Variants in ENTREP2 observed in about 807,000 individuals in gnomAD.
The protein encoded by ENTREP2 is endosomal transmembrane epsin interactor 2, also known as protein ENTREP2.
chr15:29,668,386 C>T, the ENTREP2 span, among the ~76,000 whole-genome samples: 4 of 152,108 alleles, frequency 2.6e-5, no homozygotes, highest in East Asian at 3.9e-4. Context: ...ATATAATTAC[C>T]GTGACCCGGC....
chr15:29,502,548 G>T, the ENTREP2 span, among the ~76,000 whole-genome samples: 1 of 151,914 alleles, frequency 6.6e-6, no homozygotes, highest in African/African-American at 2.4e-5. Flanking sequence ...TTTTTGGAAA[G>T]GACACTGAAA....
At chr15:29,560,832 G>C in the ENTREP2 span, among the ~76,000 whole-genome samples, 13 of 151,234 alleles carry the variant, frequency 8.6e-5, no homozygotes, top group Non-Finnish European at 1.8e-4. Context: ...ACTGTCCATG[G>C]GAAATTTCAG....
chr15:29,133,470 A>G, the ENTREP2 span, among the ~76,000 whole-genome samples: 16 of 152,114 alleles, frequency 1.1e-4, no homozygotes, highest in Admixed American at 9.2e-4. Flanking sequence ...TCCCCTGCGC[A>G]CGTGCCGTCC....
chr15:29,325,222 A>G, the ENTREP2 span, among the ~76,000 whole-genome samples: 3 of 152,182 alleles, frequency 2.0e-5, no homozygotes, highest in Admixed American at 6.5e-5. Flanking sequence ...TGCCTATAAC[A>G]GAAAAGAAGA....
At chr15:29,284,569 A>C in the ENTREP2 span, among the ~76,000 whole-genome samples, 2 of 151,654 alleles carry the variant, frequency 1.3e-5, no homozygotes, top group African/African-American at 4.9e-5. Flanking sequence ...AAAAAAAAAA[A>C]AAAACCAAAA....
chr15:29,523,937 A>G, the ENTREP2 span, among the ~76,000 whole-genome samples: 2 of 152,188 alleles, frequency 1.3e-5, no homozygotes, highest in Non-Finnish European at 2.9e-5. Context: ...AAACTCTTAG[A>G]AAAAGATATA....
chr15:29,577,971 A>G, the ENTREP2 span, among the ~76,000 whole-genome samples: 1 of 152,172 alleles, frequency 6.6e-6, no homozygotes, highest in Middle Eastern at 3.2e-3. Context: ...TACAGTTTCA[A>G]TTGCAGAAGA....
the ENTREP2 span, among the ~76,000 whole-genome samples, chr15:29,249,056 T>C: frequency 1.3e-5 from 2 of 152,062 alleles, no homozygotes; most frequent in Non-Finnish European, 2.9e-5. Context: ...GCGTGGTGGC[T>C]CATGCCTGTA....
At chr15:29,587,171 G>GTGTGTA in the ENTREP2 span, among the ~76,000 whole-genome samples, 567 of 147,230 alleles carry the variant, frequency 3.9e-3, 4 homozygotes, top group South Asian at 0.013. Context: ...GTGTGTGTGT[G>GTGTGTA]TGTGTGTGTG....
the ENTREP2 span, chr15:29,126,295 G>T: frequency 2.0e-6 from 3 of 1,487,850 alleles, no homozygotes; most frequent in Non-Finnish European, 2.7e-6. Context: ...ACAAGGTGGG[G>T]TCGCTGGTGG....
At chr15:29,401,353 T>C in the ENTREP2 span, among the ~76,000 whole-genome samples, 3 of 152,274 alleles carry the variant, frequency 2.0e-5, no homozygotes, top group African/African-American at 4.8e-5. Flanking sequence ...AATGGCTGAA[T>C]ACGATGAATA....
chr15:29,251,044 G>A, the ENTREP2 span, among the ~76,000 whole-genome samples: 2 of 152,222 alleles, frequency 1.3e-5, no homozygotes, highest in Non-Finnish European at 2.9e-5. Context: ...AATGCAGAGA[G>A]CAGCAGGCTT....
the ENTREP2 span, chr15:29,267,288 A>T: frequency 3.9e-5 from 6 of 152,206 alleles, no homozygotes; most frequent in Non-Finnish European, 8.8e-5. Flanking sequence ...TAAAACAATT[A>T]ACTTATTTGC....
the ENTREP2 span, among the ~76,000 whole-genome samples, chr15:29,640,530 T>C: frequency 0.046 from 7,048 of 151,926 alleles, 188 homozygotes; most frequent in South Asian, 0.066. Context: ...GGTTCAGTGG[T>C]GTGTGCCTGT....
the ENTREP2 span, among the ~76,000 whole-genome samples, chr15:29,588,813 C>T: frequency 0.041 from 6,193 of 151,578 alleles, 181 homozygotes; most frequent in Non-Finnish European, 0.067. Context: ...ATAATGAAAC[C>T]CTGTCTCTAC....
chr15:29,388,092 T>C, the ENTREP2 span, among the ~76,000 whole-genome samples: 3 of 152,106 alleles, frequency 2.0e-5, no homozygotes, highest in Non-Finnish European at 4.4e-5. Flanking sequence ...CCAAAAGCAA[T>C]GGCAACAAAA....
At chr15:29,524,916 G>A in the ENTREP2 span, among the ~76,000 whole-genome samples, 1 of 152,242 alleles carries the variant, frequency 6.6e-6, no homozygotes, top group Admixed American at 6.5e-5. Context: ...TCGAATGCCT[G>A]GGTTTATATC....
At chr15:29,334,318 A>C in the ENTREP2 span, among the ~76,000 whole-genome samples, 1 of 152,192 alleles carries the variant, frequency 6.6e-6, no homozygotes, top group Non-Finnish European at 1.5e-5. Context: ...CAGGCCTTCC[A>C]TCGGAGACTA....
At chr15:29,139,814 G>T in the ENTREP2 span, among the ~76,000 whole-genome samples, 1 of 152,160 alleles carries the variant, frequency 6.6e-6, no homozygotes, top group Non-Finnish European at 1.5e-5. Flanking sequence ...TGCAAGTGGC[G>T]CTTGACGTCT....
Sources: gnomAD v4.1 joint callset for allele counts (sites outside exome capture counted in the v4.1 genomes callset) on GRCh38, gnomAD v4.1.1 for gene constraint, MANE v1.5 for transcripts, NCBI Gene and HGNC (gene_info 2026-07-23, HGNC 2026-07-21) for gene names.